COQ3: variants seen among roughly 807,000 people sequenced by gnomAD.
The protein encoded by COQ3 is coenzyme Q3, methyltransferase.
Under a neutral mutation model 33.1 loss-of-function variants are expected in COQ3, and 29 were observed. The observed-to-expected ratio is 0.88, with a 90% CI of 0.65 to 1.19. The LOEUF (loss-of-function observed/expected upper bound fraction) is 1.19, where lower values mean the gene tolerates loss of function less well. Among genes scored for constraint, COQ3 ranks in the 50% most tolerant of loss-of-function variants. COQ3 has a pLI of 0.00. For missense variants in COQ3, 437 were observed against 430.7 expected, an observed-to-expected ratio of 1.01 and a Z score of -0.13; for synonymous variants, 173 against 157.8, an observed-to-expected ratio of 1.10 and a Z score of -0.72.
At chr6:99,392,770 C>A (rs889773635) in intron 1 of COQ3, among the ~76,000 whole-genome samples, 1 of 152,040 alleles carries the variant, frequency 6.6e-6, no homozygotes, top group Admixed American at 6.6e-5. Flanking sequence ...GGATTACAGG[C>A]GCCTGCCGCC....
At chr6:99,377,672 C>T (rs757072062) in intron 3 of COQ3, among the ~76,000 whole-genome samples, 187 bp from the exon 4 acceptor site, 6 of 151,670 alleles carry the variant, frequency 4.0e-5, no homozygotes, top group Non-Finnish European at 8.8e-5. Flanking sequence ...AAGCAGGATG[C>T]TTAAAGGTCT....
Position 99,369,423 on chromosome 6 carries a change from C to A in COQ3, c.*177G>T. On this transcript the variant is annotated 3_prime_UTR_variant, in exon 7 of 7. Transcript: ENST00000254759. ...CAATATCTTGACAAAACTTTTTATT[C>A]ACAGAATCCCTTGAAAGTAGCTATT... The A allele has an allele frequency of 1.7e-6, 1 of 574,954 alleles. No individual in the cohort carries two copies. The highest frequency in any genetic ancestry group is 3.1e-6 in the Non-Finnish European group (1 of 327,336). The allele number at this position is 574,954 out of a possible 1,614,324, so 35.6% of individuals were successfully genotyped here.
intron 1 of COQ3, among the ~76,000 whole-genome samples, chr6:99,385,291 T>C (rs1053849066): frequency 6.6e-6 from 1 of 152,154 alleles, no homozygotes; most frequent in East Asian, 1.9e-4. Flanking sequence ...ACAAGACCAT[T>C]ATTCAATAAA....
intron 2 of COQ3, among the ~76,000 whole-genome samples, chr6:99,383,487 T>C (rs1774529308): frequency 2.0e-5 from 3 of 152,238 alleles, no homozygotes; most frequent in African/African-American, 7.2e-5. Context: ...GTCTATATAC[T>C]GTATTATTCT....
At chr6:99,382,205 A>C (rs1016621030) in intron 2 of COQ3, among the ~76,000 whole-genome samples, 2 of 152,212 alleles carry the variant, frequency 1.3e-5, no homozygotes, top group Non-Finnish European at 2.9e-5. Flanking sequence ...GAAAAAGCCC[A>C]GGAAAGTATA....
At chr6:99,393,994 C>A (rs1774902605) in intron 1 of COQ3, 80 bp downstream of exon 1, 2 of 1,228,460 alleles carry the variant, frequency 1.6e-6, no homozygotes, top group African/African-American at 1.5e-5. Context: ...GACAACCCAC[C>A]GCCCCACCCC....
At chr6:99,384,646 A>G (rs1774565642) in intron 1 of COQ3, among the ~76,000 whole-genome samples, 1 of 152,182 alleles carries the variant, frequency 6.6e-6, no homozygotes, top group Non-Finnish European at 1.5e-5. Context: ...TATATGCTCA[A>G]CTTACACAGG....
At chr6:99,393,941 G>A (rs894916936) in intron 1 of COQ3, 133 bp downstream of exon 1, 13 of 711,582 alleles carry the variant, frequency 1.8e-5, no homozygotes, top group Non-Finnish European at 2.9e-5. Context: ...ATGGGGCCAG[G>A]ACCAAGCCTT....
Position 99,393,959 on chromosome 6 carries a change from G to A in COQ3, c.106+115C>T. On this transcript the variant is annotated intron_variant, in intron 1 of 6. Transcript: ENST00000254759. ...GGGCCAGGACCAAGCCTTAGGTTTC[G>A]CGCTGACCCCTCGCGAGGTCCAGAG... 3 of 803,462 alleles carry A rather than the reference G, an allele frequency of 3.7e-6. No homozygotes were observed. In the Admixed American group the frequency reaches 6.2e-5, roughly 17 times the overall value. 49.8% of individuals were successfully genotyped at this position (803,462 alleles called of 1,614,324 possible).
intron 5 of COQ3, among the ~76,000 whole-genome samples, chr6:99,375,410 G>T (rs184834539): frequency 6.6e-4 from 99 of 149,088 alleles, no homozygotes; most frequent in Middle Eastern, 3.5e-3. Context: ...TTGAGACAGG[G>T]TCTCACTCTG....
intron 1 of COQ3, among the ~76,000 whole-genome samples, 184 bp downstream of exon 1, chr6:99,393,890 C>A (rs1774897145): frequency 6.6e-6 from 1 of 152,180 alleles, no homozygotes; most frequent in South Asian, 2.1e-4. Context: ...TTTTCCCCGG[C>A]GTCCGCCAAC....
chr6:99,370,971 C>A (rs1396846560), intron 6 of COQ3, among the ~76,000 whole-genome samples: 3 of 152,040 alleles, frequency 2.0e-5, no homozygotes, highest in African/African-American at 7.2e-5. Context: ...ATGAAAAAAA[C>A]CACCAAAATA....
chr6:99,374,059 G>A (rs1478250970), intron 5 of COQ3, among the ~76,000 whole-genome samples: 3 of 130,726 alleles, frequency 2.3e-5, no homozygotes, highest in African/African-American at 8.8e-5. Context: ...AGACTAAGGA[G>A]AAATGACAAC....
Position 99,377,450 on chromosome 6 carries a change from G to A in COQ3, c.422C>T (p.Pro141Leu). The A allele has an allele frequency of 1.9e-6, 3 of 1,612,592 alleles. No individual in the cohort carries two copies. Among genetic ancestry groups the A allele is most frequent in the Non-Finnish European group, 2.5e-6 (3 of 1,179,286 alleles). The change falls in exon 4 of 7, where the codon CCA becomes CTA. Residue 141 changes from proline to leucine, a missense_variant. Transcript: ENST00000254759. ...NLLKTIPNHQ[P>L]GKPLLGMKIL... Reference sequence around the variant, plus strand: ...CTTCATCCCCAACAAAGGTTTTCCTGGCTGGTGATTAGGAATTGTTTTCAG... The same window carrying A: ...CTTCATCCCCAACAAAGGTTTTCCTAGCTGGTGATTAGGAATTGTTTTCAG...
chr6:99,377,289 A>T, intron 4 of COQ3, 97 bp downstream of exon 4: 1 of 1,006,402 alleles, frequency 9.9e-7, no homozygotes, highest in Non-Finnish European at 1.5e-6. Flanking sequence ...TTCTTTTTTT[A>T]ATGAATAATA....
chr6:99,384,743 A>G (rs1562208099), intron 1 of COQ3, among the ~76,000 whole-genome samples: 2 of 152,216 alleles, frequency 1.3e-5, no homozygotes, highest in Non-Finnish European at 2.9e-5. Context: ...GAGCAAAGAA[A>G]GTACCAGAAA....
chr6:99,369,508 T>C lies in COQ3; in HGVS notation c.*92A>G. 1 of 1,068,314 alleles carries C rather than the reference T, an allele frequency of 9.4e-7. No homozygotes were observed. Among genetic ancestry groups the C allele is most frequent in the Non-Finnish European group, 1.4e-6 (1 of 736,452 alleles). 66.2% of individuals were successfully genotyped at this position (1,068,314 alleles called of 1,614,324 possible). A position where few individuals can be genotyped will look rare whatever the true frequency, so the allele number is the denominator to read the frequency against. On this transcript the variant is annotated 3_prime_UTR_variant, in exon 7 of 7. Transcript: ENST00000254759. ...AGCCCTTTTTATTGACCTTCTTTTC[T>C]TCATGATTCTCTCTCAAAGGATAAA...
chr6:99,380,157 T>C (rs779285077), intron 3 of COQ3, 32 bp downstream of exon 3: 2 of 1,579,724 alleles, frequency 1.3e-6, no homozygotes, highest in East Asian at 2.2e-5. Flanking sequence ...AAAAGTTCCA[T>C]TTAAAAAGAC....
intron 5 of COQ3, among the ~76,000 whole-genome samples, chr6:99,373,799 C>G (rs1268434873): frequency 6.6e-6 from 1 of 152,096 alleles, no homozygotes; most frequent in Non-Finnish European, 1.5e-5. Context: ...TGAGACCAGC[C>G]TGGGCAACAT....
Sources: allele counts gnomAD v4.1 joint callset (sites outside exome capture counted in the v4.1 genomes callset), GRCh38; gene constraint gnomAD v4.1.1; transcripts MANE v1.5; gene names NCBI Gene and HGNC (gene_info 2026-07-23, HGNC 2026-07-21).